Variants in STAM observed in about 807,000 individuals in gnomAD.
STAM encodes the protein signal transducing adaptor molecule, also known as signal transducing adapter molecule 1.
STAM carries 16 observed loss-of-function variants against 63.4 expected under a neutral mutation model. The ratio of observed to expected loss-of-function variants is 0.25; its 90% CI spans 0.17 to 0.38. The LOEUF (loss-of-function observed/expected upper bound fraction) is 0.38. STAM is among the 10% of genes least tolerant of loss of function. The pLI is 1.00. For missense variants in STAM, 636 were observed against 657.1 expected (o/e 0.97, Z 0.35); for synonymous variants, 238 against 223.9 (o/e 1.06, Z -0.56).
intron 2 of STAM, among the ~76,000 whole-genome samples, chr10:17,671,989 A>G (rs541821346): frequency 2.8e-4 from 43 of 152,284 alleles, no homozygotes; most frequent in African/African-American, 8.4e-4. Flanking sequence ...ACTGCTCGGC[A>G]TATGGTTTTT....
Position 17,715,107 on chromosome 10 carries a change from C to T in STAM, c.*327C>T. ...AAACTGTTGTGACAAATGTTATGTA[C>T]ATATATTGATATGTAACTGCATTAG... On this transcript the variant is annotated 3_prime_UTR_variant, in exon 14 of 14. Coordinates refer to ENST00000377524, the MANE Select transcript of STAM (RefSeq NM_003473.4). The T allele has an allele frequency of 6.2e-6, 2 of 324,808 alleles. No individual in the cohort carries two copies. Among genetic ancestry groups the T allele is most frequent in the Non-Finnish European group, 1.2e-5 (2 of 168,484 alleles). The allele number at this position is 324,808 out of a possible 1,614,324, so 20.1% of individuals were successfully genotyped here.
In STAM at chr10:17,709,367, A is replaced by G. The variant is rs1836452669; in HGVS notation, c.1385+416A>G. On this transcript the variant is annotated intron_variant, in intron 13 of 13. Coordinates refer to ENST00000377524, the MANE Select transcript of STAM (RefSeq NM_003473.4). The stretch of plus-strand genomic sequence containing the variant: ...GTTCTGAGCTGTCTCTTTAAGACAA[A>G]TATTTTCTTATTTTTGCCCTGTTTT... Among the ~76,000 whole-genome samples the G allele has an allele frequency of 2.0e-5, 3 of 152,198 alleles. No individual in the cohort carries two copies. The South Asian group carries it at 6.2e-4, about 32-fold the overall frequency.
intron 9 of STAM, among the ~76,000 whole-genome samples, chr10:17,704,117 G>A (rs567246387): frequency 6.6e-6 from 1 of 152,270 alleles, no homozygotes; most frequent in African/African-American, 2.4e-5. Flanking sequence ...TATTTAAACA[G>A]GGTCTTGCAC....
In STAM at chr10:17,684,814, C is replaced by T; in HGVS notation, c.202-18C>T. ...TGCCACAATTGAGCCCCTTTAACTT[C>T]TGATTTTGTGCTTTTAGCTTCTAGG... On this transcript the variant is annotated intron_variant, in intron 3 of 13. Coordinates refer to ENST00000377524, the MANE Select transcript of STAM (RefSeq NM_003473.4). 6.2e-7 allele frequency: 1 copy of T among 1,613,644 alleles called. No homozygotes were observed. Among genetic ancestry groups the T allele is most frequent in the Non-Finnish European group, 8.5e-7 (1 of 1,179,792 alleles).
At chr10:17,665,534 G>A (rs146828778) in intron 2 of STAM, among the ~76,000 whole-genome samples, 24 of 151,372 alleles carry the variant, frequency 1.6e-4, no homozygotes, top group African/African-American at 4.4e-4. Context: ...ATTACTTATC[G>A]TTACTTATTG....
At chr10:17,680,209 A>G (rs1474966299) in intron 2 of STAM, among the ~76,000 whole-genome samples, 1 of 152,080 alleles carries the variant, frequency 6.6e-6, no homozygotes, top group African/African-American at 2.4e-5. Flanking sequence ...TTTAGATTGT[A>G]GCAAAATAAA....
chr10:17,650,897 C>G (rs1833712849), intron 1 of STAM, among the ~76,000 whole-genome samples: 1 of 151,860 alleles, frequency 6.6e-6, no homozygotes, highest in Non-Finnish European at 1.5e-5. Context: ...AACCCCATCT[C>G]TACTAAAAAT....
In STAM at chr10:17,698,421, C is replaced by CTT. The variant is rs36053695; in HGVS notation, c.823+1564_823+1565dup. Among the ~76,000 whole-genome samples, 198 of 142,070 alleles carry CTT rather than the reference C, an allele frequency of 1.4e-3. 1 individual carries two copies. Among genetic ancestry groups the CTT allele is most frequent in the East Asian group, 8.8e-3 (43 of 4,886 alleles). The allele number at this position is 142,070 out of a possible 152,430, so 93.2% of individuals were successfully genotyped here. ...CATGTAGATCCTGGAGCCATTTCATCTTTTTTTTTTTTTAAGTCATATAGC... is the reference window on the plus strand; with the variant it reads ...CATGTAGATCCTGGAGCCATTTCATCTTTTTTTTTTTTTTTAAGTCATATAGC... On this transcript the variant is annotated intron_variant, in intron 8 of 13. Coordinates refer to ENST00000377524, the MANE Select transcript of STAM (RefSeq NM_003473.4).
chr10:17,681,329 G>A (rs1835078716), intron 2 of STAM, among the ~76,000 whole-genome samples: 1 of 149,462 alleles, frequency 6.7e-6, no homozygotes. Flanking sequence ...AATTTCCCCT[G>A]TGATTTTTTT....
chr10:17,677,215 C>T (rs1834892886), intron 2 of STAM, among the ~76,000 whole-genome samples: 1 of 152,062 alleles, frequency 6.6e-6, no homozygotes, highest in Non-Finnish European at 1.5e-5. Context: ...ATAGGAATGT[C>T]TAAAATAAAA....
Position 17,715,794 on chromosome 10 carries a change from T to C in STAM, c.*1014T>C, listed in dbSNP as rs1169341434. 6.6e-6 allele frequency: 1 copy of C among 152,662 alleles called. No individual in the cohort carries two copies. Among genetic ancestry groups the C allele is most frequent in the East Asian group, 1.9e-4 (1 of 5,206 alleles). 9.5% of individuals were successfully genotyped at this position (152,662 alleles called of 1,614,324 possible). A position where few individuals can be genotyped will look rare whatever the true frequency, so the allele number is the denominator to read the frequency against. On this transcript the variant is annotated 3_prime_UTR_variant, in exon 14 of 14. Coordinates refer to ENST00000377524, the MANE Select transcript of STAM (RefSeq NM_003473.4). ...CGAAGTCTCTTGTAATTATTTGGGA[T>C]ATCAACAAAATTTGATTCGTCTGTC...
chr10:17,704,448 G>A lies in STAM; in HGVS notation c.930G>A (p.Leu310=). 1 of 1,614,036 alleles carries A rather than the reference G, an allele frequency of 6.2e-7. No individual in the cohort carries two copies. Among genetic ancestry groups the A allele is most frequent in the Non-Finnish European group, 8.5e-7 (1 of 1,179,952 alleles). The change falls in exon 10 of 14, where the codon TTG becomes TTA. Residue 310 remains leucine, a synonymous_variant. Transcript: ENST00000377524. ...AFIDEDKMDQ[L]LQMLQSTDPS... is the part of the protein sequence containing the mutation. ...TCCTGTAGGATAAAATGGACCAGTT[G>A]CTACAGATGCTGCAAAGTACAGACC... is the stretch of plus-strand genomic sequence containing the variant.
chr10:17,689,247 T>C (rs1835430732), intron 5 of STAM, among the ~76,000 whole-genome samples: 1 of 152,224 alleles, frequency 6.6e-6, no homozygotes, highest in African/African-American at 2.4e-5. Context: ...TTCCCCAGTT[T>C]ATTGACTGGG....
chr10:17,714,984 G>A lies in STAM; in HGVS notation c.*204G>A, dbSNP rs1397001115. 2.6e-5 allele frequency: 15 copies of A among 569,586 alleles called. No homozygotes were observed. Among genetic ancestry groups the A allele is most frequent in the Admixed American group, 1.6e-4 (5 of 32,066 alleles). The allele number at this position is 569,586 out of a possible 1,614,324, so 35.3% of individuals were successfully genotyped here. On this transcript the variant is annotated 3_prime_UTR_variant, in exon 14 of 14. Coordinates refer to ENST00000377524, the MANE Select transcript of STAM (RefSeq NM_003473.4). ...TCCCCCCCCGCCCCTGCAGAGGAAT[G>A]AAACTACTTACAACATTTAATTCCT...
chr10:17,687,292 T>TG (rs1835331759), intron 4 of STAM, among the ~76,000 whole-genome samples: 1 of 151,972 alleles, frequency 6.6e-6, no homozygotes, highest in African/African-American at 2.4e-5. Flanking sequence ...CTGGCCAACA[T>TG]GGTAAAACCC....
intron 2 of STAM, among the ~76,000 whole-genome samples, chr10:17,676,082 C>A (rs1391672556): frequency 6.6e-6 from 1 of 152,128 alleles, no homozygotes; most frequent in East Asian, 1.9e-4. Flanking sequence ...GCTTCAAGTT[C>A]TGCAGAGTTT....
rs1554827602 is a variant in STAM, at chr10:17,696,885, C to T, written c.823+16C>T. 1.3e-6 allele frequency: 2 copies of T among 1,581,582 alleles called. No homozygotes were observed. Among genetic ancestry groups the T allele is most frequent in the African/African-American group, 1.3e-5 (1 of 74,258 alleles). The stretch of plus-strand genomic sequence containing the variant: ...CCAGAAATGAGTAAGTATTTTCCAG[C>T]CTGCCAATAAATGATGTTTTCTAAT... On this transcript the variant is annotated intron_variant, in intron 8 of 13. Transcript: ENST00000377524.
intron 2 of STAM, among the ~76,000 whole-genome samples, chr10:17,678,471 C>G (rs1220850185): frequency 6.6e-6 from 1 of 152,142 alleles, no homozygotes; most frequent in Non-Finnish European, 1.5e-5. Context: ...CCAGGCTGGT[C>G]TCGAACTCCT....
rs539962770 is a variant in STAM, at chr10:17,669,752, C to A, written c.125+9204C>A. Among the ~76,000 whole-genome samples, 152 of 150,236 alleles carry A rather than the reference C, an allele frequency of 1.0e-3. 2 individuals carry two copies. The highest frequency in any genetic ancestry group is 2.0e-3 in the Non-Finnish European group (135 of 67,652). On this transcript the variant is annotated intron_variant, in intron 2 of 13. Coordinates refer to ENST00000377524, the MANE Select transcript of STAM (RefSeq NM_003473.4). Reference sequence around the variant, plus strand: ...TCGCTCTGTCACCCAGGCTGTAGTGCAGTGGCGCAATCTCAGCTCACCGCA... The same window carrying A: ...TCGCTCTGTCACCCAGGCTGTAGTGAAGTGGCGCAATCTCAGCTCACCGCA...
Sources: gnomAD v4.1 joint callset for allele counts (sites outside exome capture counted in the v4.1 genomes callset) on GRCh38, gnomAD v4.1.1 for gene constraint, MANE v1.5 for transcripts, NCBI Gene and HGNC (gene_info 2026-07-23, HGNC 2026-07-21) for gene names.